TMEM72: variants seen among roughly 807,000 people sequenced by gnomAD.
TMEM72 encodes the protein kidney-specific secretory protein of 37 kDa.
A neutral mutation model predicts 16.3 loss-of-function variants in TMEM72; 9 were observed. The observed-to-expected ratio is 0.55, with a 90% confidence interval of 0.33 to 0.96. The LOEUF is 0.96. TMEM72 is among the 40% of genes least tolerant of loss of function. The probability of loss-of-function intolerance (pLI) is 0.03; values close to 1 mark genes in which losing one functional copy is unlikely to be tolerated. For synonymous variants in TMEM72, 160 were observed against 146.5 expected (o/e 1.09, Z -0.66); for missense variants, 324 against 337.8 (o/e 0.96, Z 0.32).
chr10:44,933,223 G>A (rs1333991320), intron 3 of TMEM72, among the ~76,000 whole-genome samples: 1 of 152,240 alleles, frequency 6.6e-6, no homozygotes, highest in Non-Finnish European at 1.5e-5. Flanking sequence ...GTGCCAGCCT[G>A]CTCACTCACC....
At chr10:44,921,987 T>C (rs778667008) in intron 1 of TMEM72, among the ~76,000 whole-genome samples, 34 of 152,180 alleles carry the variant, frequency 2.2e-4, no homozygotes, top group Non-Finnish European at 4.4e-4. Flanking sequence ...GCAAATATCT[T>C]CTTAGTCTTA....
chr10:44,931,726 C>G (rs561679655), intron 2 of TMEM72: 8 of 488,614 alleles, frequency 1.6e-5, no homozygotes, highest in Non-Finnish European at 3.0e-5. Context: ...CTGCCAGTGT[C>G]ACACAGGGTG....
At position 44,935,221 on chromosome 10, in the gene TMEM72, G is replaced by C. The variant is rs1840381188; in HGVS notation, c.*87G>C. The C allele has an allele frequency of 1.5e-6, 2 of 1,338,016 alleles. No individual in the cohort carries two copies. Among genetic ancestry groups the C allele is most frequent in the African/African-American group, 1.5e-5 (1 of 67,680 alleles). 82.9% of individuals were successfully genotyped at this position (1,338,016 alleles called of 1,614,324 possible). A position where few individuals can be genotyped will look rare whatever the true frequency, so the allele number is the denominator to read the frequency against. On this transcript the variant is annotated 3_prime_UTR_variant, in exon 5 of 5. Transcript: ENST00000389583. ...GGAGTTTCAGGGTCTTCTCTGGTCA[G>C]CTTTTCAAGGGGTAACCAGACACCC...
intron 1 of TMEM72, among the ~76,000 whole-genome samples, chr10:44,923,798 C>A (rs1486330126): frequency 6.6e-6 from 1 of 152,164 alleles, no homozygotes; most frequent in African/African-American, 2.4e-5. Context: ...TGCTTTATGC[C>A]TGGGAAGCCT....
intron 1 of TMEM72, among the ~76,000 whole-genome samples, chr10:44,926,474 A>G (rs979344735): frequency 2.0e-5 from 3 of 152,190 alleles, no homozygotes; most frequent in Non-Finnish European, 4.4e-5. Context: ...ATGGTGTGGA[A>G]GCTCTGAAGT....
chr10:44,928,666 C>T (rs963458903), intron 2 of TMEM72, among the ~76,000 whole-genome samples: 2 of 101,408 alleles, frequency 2.0e-5, no homozygotes, highest in Admixed American at 1.8e-4. Context: ...ACCCAACCAT[C>T]CATCCATCCA....
At chr10:44,926,485 G>T (rs1840195354) in intron 1 of TMEM72, among the ~76,000 whole-genome samples, 1 of 152,226 alleles carries the variant, frequency 6.6e-6, no homozygotes, top group Middle Eastern at 3.2e-3. Flanking sequence ...GCTCTGAAGT[G>T]CTCTGTAAGT....
chr10:44,935,824 C>T lies in TMEM72; in HGVS notation c.*690C>T, dbSNP rs897888101. 4 of 152,270 alleles carry T rather than the reference C, an allele frequency of 2.6e-5. No individual in the cohort carries two copies. Among genetic ancestry groups the T allele is most frequent in the Non-Finnish European group, 5.9e-5 (4 of 68,086 alleles). The allele number at this position is 152,270 out of a possible 1,614,324, so 9.4% of individuals were successfully genotyped here. On this transcript the variant is annotated 3_prime_UTR_variant, in exon 5 of 5. Coordinates refer to ENST00000389583, the MANE Select transcript of TMEM72 (RefSeq NM_001123376.3). The stretch of plus-strand genomic sequence containing the variant: ...AAACATGGCTGGGGACTTCCAGCCT[C>T]CTTACCACATGGCCTTTCCAAGATT...
At chr10:44,934,359 G>A (rs1357674783) in intron 4 of TMEM72, among the ~76,000 whole-genome samples, 2 of 152,238 alleles carry the variant, frequency 1.3e-5, no homozygotes, top group East Asian at 3.9e-4. Flanking sequence ...TGAAAACTGT[G>A]CCCCCTCCTC....
At chr10:44,912,666 T>C (rs1839954774) in intron 1 of TMEM72, among the ~76,000 whole-genome samples, 1 of 152,232 alleles carries the variant, frequency 6.6e-6, no homozygotes, top group Middle Eastern at 3.4e-3. Context: ...TTTGGACAGA[T>C]TAAGGATGCA....
intron 1 of TMEM72, among the ~76,000 whole-genome samples, chr10:44,914,284 A>G (rs1327859212): frequency 6.6e-6 from 1 of 152,202 alleles, no homozygotes; most frequent in Admixed American, 6.5e-5. Flanking sequence ...AGGTAGTTGC[A>G]CCTGGGTGGA....
intron 1 of TMEM72, among the ~76,000 whole-genome samples, chr10:44,923,956 A>G (rs1037646108): frequency 6.6e-6 from 1 of 152,198 alleles, no homozygotes; most frequent in Admixed American, 6.5e-5. Context: ...AAGTCAACAA[A>G]GAAACTAGCA....
chr10:44,913,973 C>T (rs919861368), intron 1 of TMEM72, among the ~76,000 whole-genome samples: 1 of 152,202 alleles, frequency 6.6e-6, no homozygotes, highest in Admixed American at 6.5e-5. Flanking sequence ...AGAGTGTCAC[C>T]TGCAGGGACC....
At chr10:44,913,685 G>T (rs763270496) in intron 1 of TMEM72, among the ~76,000 whole-genome samples, 2 of 152,222 alleles carry the variant, frequency 1.3e-5, no homozygotes. Flanking sequence ...GGAGGCTAGA[G>T]AGAGGGGTTT....
At chr10:44,913,595 A>G (rs1211260892) in intron 1 of TMEM72, among the ~76,000 whole-genome samples, 1 of 152,138 alleles carries the variant, frequency 6.6e-6, no homozygotes, top group Non-Finnish European at 1.5e-5. Context: ...ATTCAGACTA[A>G]AAATAGCCAT....
At chr10:44,914,742 A>G (rs1348677994) in intron 1 of TMEM72, among the ~76,000 whole-genome samples, 2 of 152,142 alleles carry the variant, frequency 1.3e-5, no homozygotes, top group African/African-American at 4.8e-5. Context: ...GTCCTGGGAA[A>G]TGGATTTAAC....
rs891528492 is a variant in TMEM72 at position 44,935,273 on chromosome 10, T to C, written c.*139T>C. 10 of 786,370 alleles carry C rather than the reference T, an allele frequency of 1.3e-5. No individual in the cohort carries two copies. In the African/African-American group the frequency reaches 1.4e-4, roughly 11 times the overall value. 48.7% of individuals were successfully genotyped at this position (786,370 alleles called of 1,614,324 possible). The stretch of plus-strand genomic sequence containing the variant: ...CACACTGGCTGGGCCCCTGAGGCCA[T>C]CAGGAGGTGTGACTGGCCAGCATTT... On this transcript the variant is annotated 3_prime_UTR_variant, in exon 5 of 5. Coordinates refer to ENST00000389583, the MANE Select transcript of TMEM72 (RefSeq NM_001123376.3).
At chr10:44,919,681 C>T (rs1211609090) in intron 1 of TMEM72, among the ~76,000 whole-genome samples, 1 of 152,188 alleles carries the variant, frequency 6.6e-6, no homozygotes, top group Admixed American at 6.5e-5. Flanking sequence ...TCAGAAGGCT[C>T]AATATCGTTA....
At position 44,935,397 on chromosome 10, in the gene TMEM72, C is replaced by G; in HGVS notation, c.*263C>G. On this transcript the variant is annotated 3_prime_UTR_variant, in exon 5 of 5. Transcript: ENST00000389583. ...CACAGGTGGGGAAACCCTTATGCTT[C>G]CCCAACAAGACCATCACTGCCACTG... is the stretch of plus-strand genomic sequence containing the variant. 2.4e-6 allele frequency: 1 copy of G among 421,606 alleles called. No homozygotes were observed. Among genetic ancestry groups the G allele is most frequent in the South Asian group, 6.1e-5 (1 of 16,316 alleles). The allele number at this position is 421,606 out of a possible 1,614,324, so 26.1% of individuals were successfully genotyped here. A position where few individuals can be genotyped will look rare whatever the true frequency, so the allele number is the denominator to read the frequency against.
Sources: allele counts gnomAD v4.1 joint callset (sites outside exome capture counted in the v4.1 genomes callset), GRCh38; gene constraint gnomAD v4.1.1; transcripts MANE v1.5; gene names NCBI Gene and HGNC (gene_info 2026-07-23, HGNC 2026-07-21).